SLC35F1: variants seen among roughly 807,000 people sequenced by gnomAD.
SLC35F1 encodes solute carrier family 35 member F1, also known as chromosome 6 open reading frame 169.
Under a neutral mutation model 48.7 loss-of-function variants are expected in SLC35F1, and 14 were observed. The ratio of observed to expected loss-of-function variants is 0.29; its 90% CI spans 0.19 to 0.45. The LOEUF is 0.45. SLC35F1 is among the 20% of genes least tolerant of loss of function. The pLI is 1.00. For missense variants in SLC35F1, 404 were observed against 500.0 expected, an observed-to-expected ratio of 0.81 and a Z score of 1.83; for synonymous variants, 190 against 202.2, an observed-to-expected ratio of 0.94 and a Z score of 0.51.
chr6:117,955,310 C>T (rs1436955887), intron 1 of SLC35F1, among the ~76,000 whole-genome samples: 1 of 152,178 alleles, frequency 6.6e-6, no homozygotes, highest in Non-Finnish European at 1.5e-5. Context: ...TACTTATTTA[C>T]TCCACAAATT....
chr6:117,964,037 A>G (rs553252309), intron 1 of SLC35F1, among the ~76,000 whole-genome samples: 1 of 152,124 alleles, frequency 6.6e-6, no homozygotes, highest in East Asian at 1.9e-4. Context: ...ATGTGTTCTC[A>G]TTGTTCAGCT....
At position 118,297,743 on chromosome 6, in the gene SLC35F1, T is replaced by TATATATATATA. The variant is rs149900672; in HGVS notation, c.1002+12428_1002+12438dup. 7.2e-5 allele frequency among the ~76,000 whole-genome samples: 10 copies of TATATATATATA among 138,642 alleles called. No individual in the cohort carries two copies. The East Asian group carries it at 2.0e-3, about 28-fold the overall frequency. The allele number at this position is 138,642 out of a possible 152,430, so 91.0% of individuals were successfully genotyped here. A position where few individuals can be genotyped will look rare whatever the true frequency, so the allele number is the denominator to read the frequency against. Reference sequence around the variant, plus strand: ...TATTATATATATAAGTTCTGAGAAATATATATATATAATATATATATAATA... The same window carrying TATATATATATA: ...TATTATATATATAAGTTCTGAGAAATATATATATATAATATATATATAATATATATATAATA... On this transcript the variant is annotated intron_variant, in intron 7 of 7. Coordinates refer to ENST00000360388, the MANE Select transcript of SLC35F1 (RefSeq NM_001029858.4).
chr6:118,279,612 T>A (rs996516938), intron 6 of SLC35F1, among the ~76,000 whole-genome samples: 4 of 152,198 alleles, frequency 2.6e-5, no homozygotes, highest in African/African-American at 9.6e-5. Context: ...GACATTGCAC[T>A]TTCTTTCTGT....
chr6:117,909,224 G>A (rs1264990751), intron 1 of SLC35F1, among the ~76,000 whole-genome samples: 2 of 152,126 alleles, frequency 1.3e-5, no homozygotes, highest in East Asian at 3.9e-4. Flanking sequence ...AGATAAAGTA[G>A]AATAAAGCAA....
At chr6:117,987,226 A>T (rs531172351) in intron 1 of SLC35F1, among the ~76,000 whole-genome samples, 17 of 152,190 alleles carry the variant, frequency 1.1e-4, no homozygotes, top group African/African-American at 3.9e-4. Context: ...TGATGTCTTT[A>T]TTGGAACTAG....
intron 1 of SLC35F1, among the ~76,000 whole-genome samples, chr6:117,927,814 G>T (rs569211961): frequency 1.3e-5 from 2 of 152,154 alleles, no homozygotes; most frequent in South Asian, 4.1e-4. Context: ...ATGCTGTGTT[G>T]GGTTCCCTCC....
At chr6:117,997,481 C>A (rs1490594046) in intron 1 of SLC35F1, among the ~76,000 whole-genome samples, 1 of 151,890 alleles carries the variant, frequency 6.6e-6, no homozygotes, top group African/African-American at 2.4e-5. Context: ...GTCAGATTCA[C>A]CAAAGTTGAA....
rs1012531445 is a variant in SLC35F1, at chr6:118,316,737, G to A, written c.*2485G>A. 6.6e-6 allele frequency: 1 copy of A among 152,124 alleles called. No individual in the cohort carries two copies. The highest frequency in any genetic ancestry group is 2.4e-5 in the African/African-American group (1 of 41,418). The allele number at this position is 152,124 out of a possible 1,614,324, so 9.4% of individuals were successfully genotyped here. On this transcript the variant is annotated 3_prime_UTR_variant, in exon 8 of 8. Transcript: ENST00000360388. Reference sequence around the variant, plus strand: ...ATAGGATATTTTAATTGACTCCATTGTATGGAAACCAAGTGTGAATGTTAA... The same window carrying A: ...ATAGGATATTTTAATTGACTCCATTATATGGAAACCAAGTGTGAATGTTAA...
At chr6:118,079,412 G>A (rs1306528412) in intron 1 of SLC35F1, among the ~76,000 whole-genome samples, 2 of 152,062 alleles carry the variant, frequency 1.3e-5, no homozygotes, top group African/African-American at 2.4e-5. Context: ...TCTGCCAGTG[G>A]AGCCAGGTTA....
At chr6:118,281,096 C>T (rs956904091) in intron 6 of SLC35F1, among the ~76,000 whole-genome samples, 1 of 151,226 alleles carries the variant, frequency 6.6e-6, no homozygotes, top group African/African-American at 2.4e-5. Flanking sequence ...AGAGAAAGAA[C>T]ACAACTGAAA....
intron 3 of SLC35F1, among the ~76,000 whole-genome samples, chr6:118,260,021 C>A (rs993852416): frequency 1.3e-5 from 2 of 152,024 alleles, no homozygotes; most frequent in African/African-American, 4.8e-5. Context: ...TATATCCATA[C>A]AGTGCAATAT....
intron 1 of SLC35F1, among the ~76,000 whole-genome samples, chr6:117,942,462 C>T (rs1453893096): frequency 1.3e-5 from 2 of 152,196 alleles, no homozygotes; most frequent in African/African-American, 4.8e-5. Flanking sequence ...TTAGTCTAGT[C>T]TTTTCTAGAA....
chr6:118,268,584 G>GTGTATATATATA (rs1554242737), intron 4 of SLC35F1, among the ~76,000 whole-genome samples: 5 of 67,274 alleles, frequency 7.4e-5, no homozygotes, highest in South Asian at 4.7e-4. Context: ...TCATATATAT[G>GTGTATATATATA]TATATATATA....
chr6:118,089,201 C>T (rs1773036619), intron 1 of SLC35F1, among the ~76,000 whole-genome samples: 1 of 152,048 alleles, frequency 6.6e-6, no homozygotes, highest in South Asian at 2.1e-4. Flanking sequence ...TTATAATTTA[C>T]TAATATGCGG....
intron 1 of SLC35F1, among the ~76,000 whole-genome samples, chr6:118,048,862 A>G (rs1772340263): frequency 6.6e-6 from 1 of 152,188 alleles, no homozygotes; most frequent in Admixed American, 6.5e-5. Flanking sequence ...GGAAAAAACT[A>G]CTTTAAAGTT....
intron 1 of SLC35F1, among the ~76,000 whole-genome samples, chr6:118,075,200 G>A (rs930379803): frequency 6.6e-6 from 1 of 152,050 alleles, no homozygotes; most frequent in Non-Finnish European, 1.5e-5. Context: ...TATTTATGCT[G>A]GTCAGAATAT....
chr6:118,118,273 A>G (rs577417240), intron 1 of SLC35F1, among the ~76,000 whole-genome samples: 1 of 152,318 alleles, frequency 6.6e-6, no homozygotes, highest in Non-Finnish European at 1.5e-5. Flanking sequence ...TAGTGGGGAT[A>G]CACTTAACAC....
chr6:118,297,906 C>T (rs1163889094), intron 7 of SLC35F1, among the ~76,000 whole-genome samples: 1 of 151,528 alleles, frequency 6.6e-6, no homozygotes, highest in African/African-American at 2.4e-5. Context: ...GTGTTTGGGT[C>T]ATGAGGGCGG....
At chr6:118,065,382 T>C (rs1582646153) in intron 1 of SLC35F1, among the ~76,000 whole-genome samples, 1 of 152,198 alleles carries the variant, frequency 6.6e-6, no homozygotes, top group Non-Finnish European at 1.5e-5. Flanking sequence ...GATGGACTTA[T>C]ACTGTACTAT....
Sources: allele counts gnomAD v4.1 joint callset (sites outside exome capture counted in the v4.1 genomes callset), GRCh38; gene constraint gnomAD v4.1.1; transcripts MANE v1.5; gene names NCBI Gene and HGNC (gene_info 2026-07-23, HGNC 2026-07-21).